Variants in POGLUT1 observed in about 807,000 individuals in gnomAD.
POGLUT1 encodes the protein protein O-glucosyltransferase 1, also known as 9630046K23Rik.
In POGLUT1, 32 loss-of-function variants were observed where a neutral mutation model predicts 61.3. The ratio of observed to expected loss-of-function variants is 0.52; its 90% CI spans 0.39 to 0.70. POGLUT1 has a LOEUF of 0.70. Ranked by LOEUF, POGLUT1 falls within the 30% of genes least tolerant of loss-of-function variation. The pLI, the probability that POGLUT1 is intolerant of heterozygous loss-of-function variation, is 0.00. For synonymous variants in POGLUT1, 158 were observed against 158.2 expected (o/e 1.00, Z 0.01); for missense variants, 411 against 469.8 (o/e 0.87, Z 1.16).
rs574312432 is a variant in POGLUT1 at position 119,479,843 on chromosome 3, A to G, written c.457-208A>G. On this transcript the variant is annotated intron_variant, in intron 4 of 10. Coordinates refer to ENST00000295588, the MANE Select transcript of POGLUT1 (RefSeq NM_152305.3). ...AAGCTGACCTTTAATGTGATTCTGA[A>G]TTCTGGAATTCAGTGAGCCCATGAC... The G allele has an allele frequency of 4.4e-5, 56 of 1,272,200 alleles. No homozygotes were observed. The South Asian group carries it at 6.7e-4, about 15-fold the overall frequency. 78.8% of individuals were successfully genotyped at this position (1,272,200 alleles called of 1,614,324 possible).
At chr3:119,484,270 G>A (rs939713782) in intron 5 of POGLUT1, among the ~76,000 whole-genome samples, 2 of 152,132 alleles carry the variant, frequency 1.3e-5, no homozygotes, top group Non-Finnish European at 2.9e-5. Flanking sequence ...ATCTGAAAAG[G>A]ACCTGTGCCT....
chr3:119,492,393 A>C lies in POGLUT1; in HGVS notation c.1134A>C (p.Lys378Asn), dbSNP rs965502088. 20 of 1,606,474 alleles carry C rather than the reference A, an allele frequency of 1.2e-5. No homozygotes were observed. Among genetic ancestry groups the C allele is most frequent in the Non-Finnish European group, 1.4e-5 (17 of 1,174,900 alleles). The part of the protein sequence containing the change: ...KFLSYNVTRR[K>N]GYDQIIPKML... ...TGTCTTATAATGTAACGAGAAGGAA[A>C]GGTTATGATCAAATTATTCCCAAAA... Residue 378 changes from lysine (K) to asparagine (N), a missense_variant, in exon 11 of 11, where the codon AAA becomes AAC. Coordinates refer to ENST00000295588, the MANE Select transcript of POGLUT1 (RefSeq NM_152305.3).
intron 8 of POGLUT1, chr3:119,489,279 A>C (rs929093061): frequency 3.1e-5 from 7 of 225,762 alleles, no homozygotes; most frequent in African/African-American, 1.6e-4. Flanking sequence ...AGTTAGAATA[A>C]ATATTTCTCA....
chr3:119,489,909 C>T (rs2081720887), intron 8 of POGLUT1: 1 of 152,882 alleles, frequency 6.5e-6, no homozygotes, highest in African/African-American at 2.4e-5. Flanking sequence ...CTAACTAATG[C>T]CTGATGATCT....
chr3:119,471,816 T>C, intron 3 of POGLUT1: 1 of 308,520 alleles, frequency 3.2e-6, no homozygotes, highest in Non-Finnish European at 6.2e-6. Flanking sequence ...CATCGGCCAG[T>C]GTAGTTCTAG....
Position 119,476,525 on chromosome 3 carries a change from A to G in POGLUT1, c.321-788A>G, listed in dbSNP as rs983102716. ...TGGTCTAGAACTCTTGGGCTCAAAT[A>G]ACCCTTCTGCCTAAGTCTCCCAAGT... On this transcript the variant is annotated intron_variant, in intron 3 of 10. Transcript: ENST00000295588. Among the ~76,000 whole-genome samples, 3 of 152,036 alleles carry G rather than the reference A, an allele frequency of 2.0e-5. No homozygotes were observed. The East Asian group carries it at 5.8e-4, about 29-fold the overall frequency.
In POGLUT1 at chr3:119,490,737, A is replaced by G. The variant is rs769866797; in HGVS notation, c.965+19A>G. On this transcript the variant is annotated intron_variant, in intron 9 of 10. Transcript: ENST00000295588. ...ATGTCCAGTAAGCAGTTATCCCCCA[A>G]TGCAGAGTTTCTAAAGACCCTTCCA... 9 of 1,605,260 alleles carry G rather than the reference A, an allele frequency of 5.6e-6. No individual in the cohort carries two copies. In the Admixed American group the frequency reaches 1.2e-4, roughly 21 times the overall value.
chr3:119,473,646 T>A (rs919081793), intron 3 of POGLUT1, among the ~76,000 whole-genome samples: 2 of 151,886 alleles, frequency 1.3e-5, no homozygotes, highest in African/African-American at 4.8e-5. Context: ...ATAATATCTT[T>A]CTACGTCTAG....
Position 119,471,729 on chromosome 3 carries a change from A to G in POGLUT1, c.320+277A>G, listed in dbSNP as rs114926652. On this transcript the variant is annotated intron_variant, in intron 3 of 10. Transcript: ENST00000295588. Reference sequence around the variant, plus strand: ...CCCTGGGATATAGTAGCGGCAGGACACAGGCTGATGAGGCCTAGCAGGCCT... The same window carrying G: ...CCCTGGGATATAGTAGCGGCAGGACGCAGGCTGATGAGGCCTAGCAGGCCT... 0.017 allele frequency: 6,734 copies of G among 405,754 alleles called. 88 individuals are homozygous for G. Among genetic ancestry groups the G allele is most frequent in the Non-Finnish European group, 0.022 (4,768 of 218,108 alleles). The allele number at this position is 405,754 out of a possible 1,614,324, so 25.1% of individuals were successfully genotyped here.
At chr3:119,491,071 C>T (rs1259652573) in intron 9 of POGLUT1, among the ~76,000 whole-genome samples, 2 of 151,512 alleles carry the variant, frequency 1.3e-5, no homozygotes, top group Non-Finnish European at 2.9e-5. Context: ...AGTGAAGCTT[C>T]AGCAAATTTC....
At chr3:119,490,415 C>T (rs1367177059) in intron 8 of POGLUT1, 136 bp from the exon 9 acceptor site, 11 of 754,580 alleles carry the variant, frequency 1.5e-5, no homozygotes, top group Non-Finnish European at 2.0e-5. Context: ...ATTAATGTGT[C>T]CTTGAAAACT....
chr3:119,481,583 G>C (rs974786369), intron 5 of POGLUT1, among the ~76,000 whole-genome samples: 1 of 152,200 alleles, frequency 6.6e-6, no homozygotes, highest in East Asian at 1.9e-4. Flanking sequence ...GTGGTGGGTA[G>C]AGCCCTTTGT....
chr3:119,469,998 G>C, intron 2 of POGLUT1, 88 bp downstream of exon 2: 1 of 787,198 alleles, frequency 1.3e-6, no homozygotes, highest in Non-Finnish European at 2.2e-6. Context: ...TGGTTGCAGT[G>C]GTCAGAAAGG....
In POGLUT1 at chr3:119,484,087, G is replaced by T. The variant is rs565897358; in HGVS notation, c.579-1241G>T. ...AGTGTCTCTGCTTGGGCAGGAAGAA[G>T]TATGGGGAAAACAAGATAGTTCTGG... On this transcript the variant is annotated intron_variant, in intron 5 of 10. Transcript: ENST00000295588. Among the ~76,000 whole-genome samples the T allele has an allele frequency of 2.4e-4, 37 of 152,260 alleles. No individual in the cohort carries two copies. In the South Asian group the frequency reaches 7.2e-3, roughly 30 times the overall value.
chr3:119,480,212 G>C, intron 5 of POGLUT1, 40 bp downstream of exon 5: 1 of 1,462,684 alleles, frequency 6.8e-7, no homozygotes, highest in Non-Finnish European at 9.2e-7. Context: ...CTCTTTCTGG[G>C]TTTTCTTGAA....
Position 119,485,364 on chromosome 3 carries a change from T to C in POGLUT1, c.615T>C (p.Ser205=). The C allele has an allele frequency of 6.2e-7, 1 of 1,607,896 alleles. No homozygotes were observed. The highest frequency in any genetic ancestry group is 2.2e-5 in the East Asian group (1 of 44,832). Residue 205 remains serine, a synonymous_variant, in exon 6 of 11, where the codon TCT becomes TCC. Coordinates refer to ENST00000295588, the MANE Select transcript of POGLUT1 (RefSeq NM_152305.3). ...AGTGGCCATGGAAAAAGAAAAACTC[T>C]ACAGCATATTTCCGAGGATCAAGGT... The part of the protein sequence containing the change: ...AAQWPWKKKN[S]TAYFRGSRTS...
chr3:119,471,517 A>G, intron 3 of POGLUT1, 65 bp downstream of exon 3: 5 of 1,426,794 alleles, frequency 3.5e-6, no homozygotes, highest in South Asian at 1.2e-5. Context: ...ACCCTTTTAT[A>G]GAGGAGCCAA....
chr3:119,492,405 A>G lies in POGLUT1; in HGVS notation c.1146A>G (p.Gln382=). 1.9e-6 allele frequency: 3 copies of G among 1,604,854 alleles called. No homozygotes were observed. The highest frequency in any genetic ancestry group is 2.6e-6 in the Non-Finnish European group (3 of 1,174,452). The change falls in exon 11 of 11, where the codon CAA becomes CAG. Residue 382 remains glutamine (Q), a synonymous_variant. Coordinates refer to ENST00000295588, the MANE Select transcript of POGLUT1 (RefSeq NM_152305.3). ...YNVTRRKGYD[Q]IIPKMLKTEL Reference sequence around the variant, plus strand: ...TAACGAGAAGGAAAGGTTATGATCAAATTATTCCCAAAATGTTGAAAACTG... The same window carrying G: ...TAACGAGAAGGAAAGGTTATGATCAGATTATTCCCAAAATGTTGAAAACTG...
chr3:119,485,313 A>G lies in POGLUT1; in HGVS notation c.579-15A>G. 1 of 1,530,562 alleles carries G rather than the reference A, an allele frequency of 6.5e-7. No individual in the cohort carries two copies. Among genetic ancestry groups the G allele is most frequent in the Non-Finnish European group, 9.0e-7 (1 of 1,108,150 alleles). The allele number at this position is 1,530,562 out of a possible 1,614,324, so 94.8% of individuals were successfully genotyped here. On this transcript the variant is annotated splice_polypyrimidine_tract_variant and intron_variant, in intron 5 of 10. Transcript: ENST00000295588. ...AAAAAGATATATTGAAACTAATTAA[A>G]TTCTATATTCTTAGGTCAGCAGCAC...
Sources: gnomAD v4.1 joint callset for allele counts (sites outside exome capture counted in the v4.1 genomes callset) on GRCh38, gnomAD v4.1.1 for gene constraint, MANE v1.5 for transcripts, NCBI Gene and HGNC (gene_info 2026-07-23, HGNC 2026-07-21) for gene names.